The following MVB12B variants were observed in gnomAD, a reference collection of about 807,000 sequenced individuals.
MVB12B encodes the protein ESCRT-I complex subunit MVB12B.
Under a neutral mutation model 41.6 loss-of-function variants are expected in MVB12B, and 16 were observed. The ratio of observed to expected loss-of-function variants is 0.38; its 90% confidence interval spans 0.26 to 0.58. The LOEUF is 0.58. Ranked by LOEUF, MVB12B falls within the 20% of genes least tolerant of loss-of-function variation. The pLI, the probability that MVB12B is intolerant of heterozygous loss-of-function variation, is 0.62. For missense variants in MVB12B, 274 were observed against 380.2 expected (o/e 0.72, Z 2.32); for synonymous variants, 133 against 139.7 (o/e 0.95, Z 0.34).
At chr9:126,370,541 C>G (rs1210018032) in intron 2 of MVB12B, among the ~76,000 whole-genome samples, 4 of 151,926 alleles carry the variant, frequency 2.6e-5, no homozygotes, top group African/African-American at 9.7e-5. Flanking sequence ...ACCACCATGC[C>G]CAGCTAATTT....
intron 9 of MVB12B, among the ~76,000 whole-genome samples, chr9:126,495,885 C>T (rs1459036823): frequency 6.6e-6 from 1 of 152,170 alleles, no homozygotes; most frequent in Non-Finnish European, 1.5e-5. Context: ...CATAGAGAAA[C>T]AGACCAAATC....
chr9:126,374,970 C>T (rs1797605578), intron 2 of MVB12B, among the ~76,000 whole-genome samples: 1 of 152,206 alleles, frequency 6.6e-6, no homozygotes, highest in South Asian at 2.1e-4. Context: ...GCAGCCCCTG[C>T]CCTGTCTCCC....
At chr9:126,401,401 G>A (rs1306914998) in intron 6 of MVB12B, among the ~76,000 whole-genome samples, 1 of 152,176 alleles carries the variant, frequency 6.6e-6, no homozygotes, top group Non-Finnish European at 1.5e-5. Flanking sequence ...AGACATAATT[G>A]TACTTAACTT....
Position 126,480,401 on chromosome 9 carries a change from G to A in MVB12B, c.758-968G>A, listed in dbSNP as rs1787028275. Among the ~76,000 whole-genome samples, 1 of 152,204 alleles carries A rather than the reference G, an allele frequency of 6.6e-6. No individual in the cohort carries two copies. The highest frequency in any genetic ancestry group is 6.5e-5 in the Admixed American group (1 of 15,282). ...TGTGACCTGTTCCTCAATGTGGCAG[G>A]ATTTCCAGTCCTGGTGTGGCACCAG... On this transcript the variant is annotated intron_variant, in intron 7 of 9. Transcript: ENST00000361171. This position sits in a 1 kb window ranked among gnomAD's most constrained non-coding sequence, Gnocchi z 4.9.
chr9:126,460,518 C>A (rs576013250), intron 7 of MVB12B, among the ~76,000 whole-genome samples: 6 of 152,272 alleles, frequency 3.9e-5, no homozygotes, highest in African/African-American at 1.4e-4. Flanking sequence ...AGCATCTGCT[C>A]GGACTCCATT....
chr9:126,446,816 G>T (rs1832779464), intron 7 of MVB12B, among the ~76,000 whole-genome samples: 1 of 148,700 alleles, frequency 6.7e-6, no homozygotes, highest in South Asian at 2.1e-4. Flanking sequence ...CTTTTTCTTG[G>T]TTGATTTATT....
intron 9 of MVB12B, among the ~76,000 whole-genome samples, chr9:126,502,797 C>T (rs1321765696): frequency 2.0e-5 from 3 of 152,232 alleles, no homozygotes; most frequent in Non-Finnish European, 4.4e-5. Context: ...CCCTCACCAG[C>T]AGGGGCATGA....
rs1833630898 is a variant in MVB12B, at chr9:126,486,911, C to G, written c.873+2879C>G. On this transcript the variant is annotated intron_variant, in intron 9 of 9. Transcript: ENST00000361171. The surrounding 1 kb of genome is among the most constrained non-coding windows in gnomAD (Gnocchi z 4.7). ...TTAACCTGGGTGGGCCTTCGAGTTG[C>G]TGGGGTGGGGTGAAGTGGGTGACGG... Among the ~76,000 whole-genome samples, 1 of 152,022 alleles carries G rather than the reference C, an allele frequency of 6.6e-6. No homozygotes were observed. Among genetic ancestry groups the G allele is most frequent in the Admixed American group, 6.6e-5 (1 of 15,260 alleles).
At chr9:126,339,667 G>A (rs767926612) in intron 1 of MVB12B, among the ~76,000 whole-genome samples, 5 of 152,172 alleles carry the variant, frequency 3.3e-5, no homozygotes, top group African/African-American at 9.7e-5. Flanking sequence ...CACATGACCC[G>A]AGGGTAAAAC....
In MVB12B at chr9:126,475,875, TC is replaced by T. The variant is rs1833409239; in HGVS notation, c.758-5493del. On this transcript the variant is annotated intron_variant, in intron 7 of 9. Transcript: ENST00000361171. ...CCCCCATCTCTACAAAAAATAAAAGTCTATTTTCTAGAAGAACATAGGGAGC... is the reference window on the plus strand; with the variant it reads ...CCCCCATCTCTACAAAAAATAAAAGTTATTTTCTAGAAGAACATAGGGAGC... 3.9e-5 allele frequency among the ~76,000 whole-genome samples: 6 copies of T among 152,274 alleles called. No homozygotes were observed. In the South Asian group the frequency reaches 1.2e-3, roughly 32 times the overall value.
intron 9 of MVB12B, among the ~76,000 whole-genome samples, chr9:126,485,752 T>C (rs1302326502): frequency 2.5e-5 from 2 of 78,922 alleles, no homozygotes; most frequent in African/African-American, 8.1e-5. Context: ...AGTTCACACA[T>C]TTTCCTAATA....
At chr9:126,477,235 G>T (rs150175811) in intron 7 of MVB12B, among the ~76,000 whole-genome samples, 1 of 152,178 alleles carries the variant, frequency 6.6e-6, no homozygotes, top group Non-Finnish European at 1.5e-5. Flanking sequence ...ACTCACTACC[G>T]TGAGAACAGC....
rs1833455553 is a variant in MVB12B at position 126,478,222 on chromosome 9, A to C, written c.758-3147A>C. On this transcript the variant is annotated intron_variant, in intron 7 of 9. Coordinates refer to ENST00000361171, the MANE Select transcript of MVB12B (RefSeq NM_033446.3). This position sits in a 1 kb window ranked among gnomAD's most constrained non-coding sequence, Gnocchi z 4.2. ...TTCCTAGTTCCTAGAAGTGATTCCCAGGCTTCTTCCATCCATGGCTTTCAT... is the reference window on the plus strand; with the variant it reads ...TTCCTAGTTCCTAGAAGTGATTCCCCGGCTTCTTCCATCCATGGCTTTCAT... Among the ~76,000 whole-genome samples the C allele has an allele frequency of 6.6e-6, 1 of 152,218 alleles. No homozygotes were observed. Among genetic ancestry groups the C allele is most frequent in the East Asian group, 1.9e-4 (1 of 5,200 alleles).
intron 6 of MVB12B, among the ~76,000 whole-genome samples, chr9:126,410,420 G>T (rs956525475): frequency 8.5e-5 from 13 of 152,150 alleles, no homozygotes; most frequent in Non-Finnish European, 1.8e-4. Flanking sequence ...GTGACTTTGG[G>T]TGAGTTACTT....
intron 6 of MVB12B, among the ~76,000 whole-genome samples, chr9:126,415,590 T>C (rs980915047): frequency 1.3e-5 from 2 of 152,156 alleles, no homozygotes; most frequent in African/African-American, 4.8e-5. Flanking sequence ...AACCCAGTCG[T>C]GGGGATGAGA....
chr9:126,499,624 G>A lies in MVB12B; in HGVS notation c.874-3553G>A, dbSNP rs543752794. On this transcript the variant is annotated intron_variant, in intron 9 of 9. Coordinates refer to ENST00000361171, the MANE Select transcript of MVB12B (RefSeq NM_033446.3). ...GTAAACACGGCGGGAGGAGCGGGCA[G>A]GGACCGCGTCTGCGGGAAGGCGGCC... Among the ~76,000 whole-genome samples, 53 of 152,306 alleles carry A rather than the reference G, an allele frequency of 3.5e-4. No homozygotes were observed. The East Asian group carries it at 9.3e-3, about 27-fold the overall frequency.
chr9:126,421,802 T>G, intron 6 of MVB12B, 52 bp from the exon 7 acceptor site: 1 of 1,404,092 alleles, frequency 7.1e-7, no homozygotes, highest in Middle Eastern at 1.8e-4. Flanking sequence ...GCTTCCTGAG[T>G]CTTGGGGAAT....
intron 6 of MVB12B, among the ~76,000 whole-genome samples, chr9:126,419,967 C>T (rs931170506): frequency 2.6e-5 from 4 of 152,080 alleles, no homozygotes; most frequent in Non-Finnish European, 4.4e-5. Flanking sequence ...TGGTGTTTGG[C>T]GCCCTTTCCA....
At position 126,340,996 on chromosome 9, in the gene MVB12B, C is replaced by T. The variant is rs985680305; in HGVS notation, c.204+366C>T. Among the ~76,000 whole-genome samples, 1 of 152,242 alleles carries T rather than the reference C, an allele frequency of 6.6e-6. No individual in the cohort carries two copies. The highest frequency in any genetic ancestry group is 2.1e-4 in the South Asian group (1 of 4,836). On this transcript the variant is annotated intron_variant, in intron 2 of 9. Coordinates refer to ENST00000361171, the MANE Select transcript of MVB12B (RefSeq NM_033446.3). The surrounding 1 kb of genome is among the most constrained non-coding windows in gnomAD (Gnocchi z 4.0). ...TAAATATTGTAAAGGCATTGTCCTACGTCTGTGTAGCTCTTTACAGTTTAA... is the reference window on the plus strand; with the variant it reads ...TAAATATTGTAAAGGCATTGTCCTATGTCTGTGTAGCTCTTTACAGTTTAA...
Sources: gnomAD v4.1 joint callset for allele counts (sites outside exome capture counted in the v4.1 genomes callset) on GRCh38, gnomAD v4.1.1 for gene constraint, Gnocchi (gnomAD v3.1) non-coding constraint, MANE v1.5 for transcripts, NCBI Gene and HGNC (gene_info 2026-07-23, HGNC 2026-07-21) for gene names.